Variants in RYR2 observed in about 807,000 individuals in gnomAD.
RYR2 encodes the protein ryanodine receptor 2.
RYR2 carries 227 observed loss-of-function variants against 601.1 expected under a neutral mutation model. The ratio of observed to expected loss-of-function variants is 0.38; its 90% CI spans 0.34 to 0.42. The LOEUF (loss-of-function observed/expected upper bound fraction) is 0.42. Ranked by LOEUF, RYR2 falls within the 10% of genes least tolerant of loss-of-function variation. The pLI is 1.00. For missense variants in RYR2, 4,646 were observed against 6,156.5 expected (o/e 0.75, Z 8.21); for synonymous variants, 2,223 against 2,175.1 (o/e 1.02, Z -0.61).
chr1:237,741,939 G>A (rs752357866), intron 79 of RYR2, among the ~76,000 whole-genome samples: 10 of 151,984 alleles, frequency 6.6e-5, no homozygotes, highest in Non-Finnish European at 1.3e-4. Context: ...GCCTGTATTC[G>A]TGCATTGCAA....
At chr1:237,318,878 A>C (rs1695347536) in intron 2 of RYR2, among the ~76,000 whole-genome samples, 1 of 152,040 alleles carries the variant, frequency 6.6e-6, no homozygotes, top group Non-Finnish European at 1.5e-5. Flanking sequence ...GGGGCCATTC[A>C]TTATTTGTTT....
In RYR2 at chr1:237,518,848, T is replaced by A. The variant is rs955869545; in HGVS notation, c.2822+7057T>A. Among the ~76,000 whole-genome samples, 5 of 152,176 alleles carry A rather than the reference T, an allele frequency of 3.3e-5. No individual in the cohort carries two copies. The East Asian group carries it at 9.6e-4, about 29-fold the overall frequency. On this transcript the variant is annotated intron_variant, in intron 24 of 104. Coordinates refer to ENST00000366574, the MANE Select transcript of RYR2 (RefSeq NM_001035.3). ...GACAAGTTTCTATACTATTTTTTCATAGAGGCTGTACTAATTTACATTCCC... is the reference window on the plus strand; with the variant it reads ...GACAAGTTTCTATACTATTTTTTCAAAGAGGCTGTACTAATTTACATTCCC...
At chr1:237,337,206 C>T (rs1426211493) in intron 3 of RYR2, among the ~76,000 whole-genome samples, 3 of 144,518 alleles carry the variant, frequency 2.1e-5, no homozygotes, top group African/African-American at 5.2e-5. Flanking sequence ...GAGCCCAGAT[C>T]GTGCCACTGC....
rs774915354 is a variant in RYR2, at chr1:237,503,394, G to A, written c.2502G>A (p.Val834=). Residue 834 remains valine, a synonymous_variant, in exon 22 of 105, where the codon GTG becomes GTA. Transcript: ENST00000366574. ...EAVLPKEKLK[V]EHSREYKQER... ...TTCTGCCAAAAGAAAAGTTGAAAGT[G>A]GAACACAGCCGAGAGTACAAGCAAG... The A allele has an allele frequency of 4.3e-6, 7 of 1,613,896 alleles. 1 individual carries two copies. In the Admixed American group the frequency reaches 8.3e-5, roughly 19 times the overall value.
chr1:237,574,779 T>A (rs996078783), intron 29 of RYR2, among the ~76,000 whole-genome samples: 2 of 152,010 alleles, frequency 1.3e-5, no homozygotes, highest in African/African-American at 4.8e-5. Flanking sequence ...AGGAACCAAA[T>A]TCCATCAATA....
At chr1:237,231,326 C>CTT (rs1179680194) in intron 1 of RYR2, among the ~76,000 whole-genome samples, 2 of 135,918 alleles carry the variant, frequency 1.5e-5, no homozygotes, top group Non-Finnish European at 1.5e-5. Context: ...TTCTTTCTTT[C>CTT]TTTTTTTTTT....
At chr1:237,296,941 G>A (rs1692840839) in intron 2 of RYR2, among the ~76,000 whole-genome samples, 1 of 152,136 alleles carries the variant, frequency 6.6e-6, no homozygotes, top group African/African-American at 2.4e-5. Context: ...CGTTTAATAT[G>A]GGCACTAAAG....
chr1:237,042,705 G>A, intron 1 of RYR2, 136 bp downstream of exon 1: 1 of 846,130 alleles, frequency 1.2e-6, no homozygotes, highest in Non-Finnish European at 1.6e-6. Context: ...GATGCGGGAG[G>A]AGCGGGCATC....
chr1:237,445,050 T>A (rs1708210453), intron 13 of RYR2, among the ~76,000 whole-genome samples: 1 of 152,152 alleles, frequency 6.6e-6, no homozygotes, highest in Non-Finnish European at 1.5e-5. Context: ...TGAGTAGTTC[T>A]TTAAAATGAT....
chr1:237,543,545 A>T (rs1389273038), intron 25 of RYR2, among the ~76,000 whole-genome samples: 2 of 152,140 alleles, frequency 1.3e-5, no homozygotes, highest in Non-Finnish European at 2.9e-5. Context: ...CATTTGTTCC[A>T]AGGTACTTGA....
intron 84 of RYR2, among the ~76,000 whole-genome samples, chr1:237,763,651 ATAGTACT>A (rs1163472732): frequency 6.6e-6 from 1 of 152,180 alleles, no homozygotes; most frequent in African/African-American, 2.4e-5. Flanking sequence ...GAGATTTTAG[ATAGTACT>A]TAGGACGCCA....
chr1:237,535,098 T>C (rs534059283), intron 25 of RYR2, among the ~76,000 whole-genome samples: 1 of 151,862 alleles, frequency 6.6e-6, no homozygotes, highest in South Asian at 2.1e-4. Context: ...AAAACAATAA[T>C]GGAAAAGGAA....
At chr1:237,773,415 A>G in intron 86 of RYR2, 105 bp from the exon 87 acceptor site, 1 of 692,964 alleles carries the variant, frequency 1.4e-6, no homozygotes, top group African/African-American at 1.8e-5. Flanking sequence ...TTGCTACCAT[A>G]TCTATTATTT....
chr1:237,347,148 C>A (rs1698376122), intron 3 of RYR2, among the ~76,000 whole-genome samples: 1 of 151,866 alleles, frequency 6.6e-6, no homozygotes, highest in Non-Finnish European at 1.5e-5. Flanking sequence ...AAGAGAGACC[C>A]CTGTCTCTAC....
At chr1:237,330,380 G>GTGTTTT (rs1696587650) in intron 2 of RYR2, among the ~76,000 whole-genome samples, 2 of 152,170 alleles carry the variant, frequency 1.3e-5, no homozygotes, top group African/African-American at 4.8e-5. Context: ...GTTGTTATCT[G>GTGTTTT]TGTTTTTGTT....
chr1:237,762,875 A>T (rs925787931), intron 84 of RYR2, among the ~76,000 whole-genome samples: 1 of 152,172 alleles, frequency 6.6e-6, no homozygotes, highest in African/African-American at 2.4e-5. Context: ...CTGTAAATGT[A>T]CTACCCTCCC....
At chr1:237,797,979 T>TATAGATG in intron 96 of RYR2, 58 bp from the exon 97 acceptor site, 1 of 1,466,782 alleles carries the variant, frequency 6.8e-7, no homozygotes, top group South Asian at 1.2e-5. Context: ...TATACACACA[T>TATAGATG]ATAGATGATG....
At chr1:237,100,763 T>A (rs945947320) in intron 1 of RYR2, among the ~76,000 whole-genome samples, 13 of 152,130 alleles carry the variant, frequency 8.5e-5, no homozygotes, top group Non-Finnish European at 1.9e-4. Context: ...TTGGGATTCT[T>A]GAGGGGTTTT....
At chr1:237,150,562 A>G (rs1430260489) in intron 1 of RYR2, among the ~76,000 whole-genome samples, 1 of 152,184 alleles carries the variant, frequency 6.6e-6, no homozygotes, top group Non-Finnish European at 1.5e-5. Flanking sequence ...AAACAATGAC[A>G]ACAACAACAA....
Sources: allele counts gnomAD v4.1 joint callset (sites outside exome capture counted in the v4.1 genomes callset), GRCh38; gene constraint gnomAD v4.1.1; transcripts MANE v1.5; gene names NCBI Gene and HGNC (gene_info 2026-07-23, HGNC 2026-07-21).